The following DNAJC13 variants were observed in gnomAD, a reference collection of about 807,000 sequenced individuals.
The protein encoded by DNAJC13 is dnaJ homolog subfamily C member 13.
A neutral mutation model predicts 290.5 loss-of-function variants in DNAJC13; 75 were observed. That is an observed-to-expected ratio of 0.26 (90% CI 0.21 to 0.31). DNAJC13 has a LOEUF of 0.31. DNAJC13 is among the 10% of genes least tolerant of loss of function. The pLI is 1.00. For synonymous variants in DNAJC13, 862 were observed against 892.0 expected (o/e 0.97, Z 0.60); for missense variants, 2,260 against 2,674.5 (o/e 0.85, Z 3.42).
chr3:132,427,668 G>T (rs989344499), intron 1 of DNAJC13, among the ~76,000 whole-genome samples: 2 of 152,096 alleles, frequency 1.3e-5, no homozygotes, highest in African/African-American at 2.4e-5. Flanking sequence ...ATACTAGAGG[G>T]ATTGAAATTA....
chr3:132,500,848 C>T lies in DNAJC13; in HGVS notation c.4471C>T (p.Arg1491Ter), dbSNP rs754956053. 2.5e-6 allele frequency: 4 copies of T among 1,613,872 alleles called. No homozygotes were observed. The highest frequency in any genetic ancestry group is 3.4e-6 in the Non-Finnish European group (4 of 1,179,936). The change falls in exon 39 of 56, where the codon CGA becomes TGA. Residue 1491 changes from arginine to a stop codon, truncating the protein, a stop_gained. Coordinates refer to ENST00000260818, the MANE Select transcript of DNAJC13 (RefSeq NM_015268.4). LOFTEE classifies it high-confidence loss of function. The stretch of plus-strand genomic sequence containing the variant: ...TGTGGCTGCTCAGTTTGAGGAATGC[C>T]GAGAGAAGATCACGGAAATGCCTAG... ...YSVAAQFEEC[R>*]EKITEMPSII...
rs879025584 is a variant in DNAJC13, at chr3:132,507,193, G to A, written c.4999-44G>A. ...CTGTTAAGTTATTAAACTGAACATG[G>A]ATAGATTTACATCTAACAGTCTATT... is the stretch of plus-strand genomic sequence containing the variant. On this transcript the variant is annotated intron_variant, in intron 42 of 55. Coordinates refer to ENST00000260818, the MANE Select transcript of DNAJC13 (RefSeq NM_015268.4). The A allele has an allele frequency of 2.4e-6, 3 of 1,231,672 alleles. No individual in the cohort carries two copies. The South Asian group carries it at 3.8e-5, about 15-fold the overall frequency. The allele number at this position is 1,231,672 out of a possible 1,614,324, so 76.3% of individuals were successfully genotyped here.
At chr3:132,480,212 A>T (rs980404183) in intron 25 of DNAJC13, among the ~76,000 whole-genome samples, 157 bp from the exon 26 acceptor site, 1 of 152,232 alleles carries the variant, frequency 6.6e-6, no homozygotes, top group Admixed American at 6.5e-5. Context: ...GAAAAGACCA[A>T]GTAATACCAG....
chr3:132,487,370 C>T (rs1934911640), intron 29 of DNAJC13, among the ~76,000 whole-genome samples: 1 of 151,956 alleles, frequency 6.6e-6, no homozygotes. Flanking sequence ...AATTCTCCTG[C>T]CTCAGCCTCC....
At chr3:132,433,337 T>G (rs1328618410) in intron 1 of DNAJC13, among the ~76,000 whole-genome samples, 2 of 152,194 alleles carry the variant, frequency 1.3e-5, no homozygotes, top group Non-Finnish European at 2.9e-5. Context: ...GTTTAAGTGA[T>G]CCTCCCACCT....
Position 132,513,116 on chromosome 3 carries a change from C to T in DNAJC13, c.5385+17C>T, listed in dbSNP as rs1259608337. 6.2e-7 allele frequency: 1 copy of T among 1,601,550 alleles called. No individual in the cohort carries two copies. Among genetic ancestry groups the T allele is most frequent in the African/African-American group, 1.3e-5 (1 of 74,764 alleles). On this transcript the variant is annotated intron_variant, in intron 45 of 55. Coordinates refer to ENST00000260818, the MANE Select transcript of DNAJC13 (RefSeq NM_015268.4). ...GCTTTAGAGGTAAAAGCGTTTTGTA[C>T]TAAAGCGTGTTGCCTTTCCTACCAC...
At chr3:132,466,145 G>T in intron 18 of DNAJC13, 75 bp downstream of exon 18, 1 of 1,445,208 alleles carries the variant, frequency 6.9e-7, no homozygotes, top group Non-Finnish European at 9.7e-7. Context: ...ACTGTTAAAA[G>T]GGGATGGTTT....
At chr3:132,531,956 A>G (rs557947985) in intron 55 of DNAJC13, among the ~76,000 whole-genome samples, 1 of 152,356 alleles carries the variant, frequency 6.6e-6, no homozygotes, top group East Asian at 1.9e-4. Flanking sequence ...TTTAAAACTC[A>G]GAACATTTGA....
At chr3:132,482,471 C>G in intron 27 of DNAJC13, 141 bp downstream of exon 27, 1 of 586,324 alleles carries the variant, frequency 1.7e-6, no homozygotes, top group Non-Finnish European at 2.9e-6. Flanking sequence ...AACTCAGTTT[C>G]CACATGAAAA....
intron 48 of DNAJC13, among the ~76,000 whole-genome samples, chr3:132,517,093 C>T (rs1455417117): frequency 6.6e-6 from 1 of 152,198 alleles, no homozygotes; most frequent in African/African-American, 2.4e-5. Context: ...AAAAGTATAT[C>T]AAGACTATGA....
chr3:132,537,105 T>C (rs552031195), intron 55 of DNAJC13: 1 of 456,224 alleles, frequency 2.2e-6, no homozygotes, highest in Admixed American at 2.3e-5. Flanking sequence ...TACTCTGCTG[T>C]TTGCACTTCC....
At chr3:132,424,238 A>G (rs1939035536) in intron 1 of DNAJC13, among the ~76,000 whole-genome samples, 4 of 152,192 alleles carry the variant, frequency 2.6e-5, no homozygotes, top group Admixed American at 2.0e-4. Flanking sequence ...GGGTCATAGT[A>G]ATACATCTTT....
rs373326862 is a variant in DNAJC13, at chr3:132,537,990, G to A, written c.6626-186G>A. Reference sequence around the variant, plus strand: ...ATTTTGAAATGATTTCTAGTCTATAGTGTAGGCAAACATGAAAATAGTACT... The same window carrying A: ...ATTTTGAAATGATTTCTAGTCTATAATGTAGGCAAACATGAAAATAGTACT... On this transcript the variant is annotated intron_variant, in intron 55 of 55. Coordinates refer to ENST00000260818, the MANE Select transcript of DNAJC13 (RefSeq NM_015268.4). Among the ~76,000 whole-genome samples, 26 of 152,328 alleles carry A rather than the reference G, an allele frequency of 1.7e-4. No individual in the cohort carries two copies. In the South Asian group the frequency reaches 5.4e-3, roughly 32 times the overall value.
At chr3:132,428,741 C>T (rs1203044614) in intron 1 of DNAJC13, among the ~76,000 whole-genome samples, 1 of 152,142 alleles carries the variant, frequency 6.6e-6, no homozygotes, top group African/African-American at 2.4e-5. Context: ...CAAGAAATGT[C>T]CTACCTCCCC....
chr3:132,434,473 G>A, intron 1 of DNAJC13, 65 bp from the exon 2 acceptor site: 3 of 1,153,550 alleles, frequency 2.6e-6, no homozygotes, highest in Non-Finnish European at 3.7e-6. Flanking sequence ...CCTTTCTTAG[G>A]GGAATCTTGG....
intron 24 of DNAJC13, 46 bp downstream of exon 24, chr3:132,478,186 G>T: frequency 2.0e-6 from 3 of 1,485,600 alleles, no homozygotes; most frequent in Non-Finnish European, 2.7e-6. Flanking sequence ...GTGTCACTAG[G>T]GTATGTGTTA....
At chr3:132,510,842 G>A (rs764031789) in intron 43 of DNAJC13, among the ~76,000 whole-genome samples, 2 of 152,088 alleles carry the variant, frequency 1.3e-5, no homozygotes, top group Admixed American at 6.6e-5. Context: ...TCTCAGAATT[G>A]TTACACTAAG....
At chr3:132,472,045 G>A (rs1428874385) in intron 20 of DNAJC13, among the ~76,000 whole-genome samples, 1 of 150,094 alleles carries the variant, frequency 6.7e-6, no homozygotes, top group Non-Finnish European at 1.5e-5. Context: ...AGGGGCTGGA[G>A]ACCGGCCCGG....
chr3:132,519,867 G>A, intron 48 of DNAJC13, among the ~76,000 whole-genome samples: 1 of 152,084 alleles, frequency 6.6e-6, no homozygotes, highest in East Asian at 1.9e-4. Context: ...AAAAGAAAGA[G>A]GTTTATTGGA....
Sources: allele counts gnomAD v4.1 joint callset (sites outside exome capture counted in the v4.1 genomes callset), GRCh38; gene constraint gnomAD v4.1.1; transcripts MANE v1.5; gene names NCBI Gene and HGNC (gene_info 2026-07-23, HGNC 2026-07-21).